Variants in EXT1 observed in about 807,000 individuals in gnomAD.
EXT1 encodes the protein exostosin glycosyltransferase 1.
In EXT1, 20 loss-of-function variants were observed where a neutral mutation model predicts 82.5. The ratio of observed to expected loss-of-function variants is 0.24; its 90% CI spans 0.17 to 0.35. The LOEUF is 0.35. Ranked by LOEUF, EXT1 falls within the 10% of genes least tolerant of loss-of-function variation. The pLI, the probability that EXT1 is intolerant of heterozygous loss-of-function variation, is 1.00. For synonymous variants in EXT1, 348 were observed against 350.8 expected (o/e 0.99, Z 0.09); for missense variants, 757 against 936.5 (o/e 0.81, Z 2.50).
Position 117,796,664 on chromosome 8 carries a change from T to G in EXT1, c.*3048A>C, listed in dbSNP as rs1478747505. 1 of 152,210 alleles carries G rather than the reference T, an allele frequency of 6.6e-6. No homozygotes were observed. Among genetic ancestry groups the G allele is most frequent in the African/African-American group, 2.4e-5 (1 of 41,448 alleles). The allele number at this position is 152,210 out of a possible 1,614,324, so 9.4% of individuals were successfully genotyped here. ...TCCAGTAACAAGCTTTCCCTTTTTT[T>G]TTGAAGCATCTATCTGAAAGTGTGT... is the stretch of plus-strand genomic sequence containing the variant. On this transcript the variant is annotated 3_prime_UTR_variant, in exon 11 of 11. Coordinates refer to ENST00000378204, the MANE Select transcript of EXT1 (RefSeq NM_000127.3).
At chr8:117,825,097 C>T (rs1483505684) in intron 4 of EXT1, among the ~76,000 whole-genome samples, 1 of 152,058 alleles carries the variant, frequency 6.6e-6, no homozygotes, top group Non-Finnish European at 1.5e-5. Context: ...GACTCAAACT[C>T]CTGAGCTCAA....
Position 117,795,503 on chromosome 8 carries a change from A to G in EXT1, c.*4209T>C, listed in dbSNP as rs959111143. On this transcript the variant is annotated 3_prime_UTR_variant, in exon 11 of 11. Coordinates refer to ENST00000378204, the MANE Select transcript of EXT1 (RefSeq NM_000127.3). ...CAAGCTTTTTTTTTTTTTTAAAGAA[A>G]AAAAAAAGGGGGGCCAGGCGCAGTG... 5 of 151,490 alleles carry G rather than the reference A, an allele frequency of 3.3e-5. No individual in the cohort carries two copies. The highest frequency in any genetic ancestry group is 1.2e-4 in the African/African-American group (5 of 41,266). The allele number at this position is 151,490 out of a possible 1,614,324, so 9.4% of individuals were successfully genotyped here. A position where few individuals can be genotyped will look rare whatever the true frequency, so the allele number is the denominator to read the frequency against.
chr8:117,836,696 T>G (rs531582422), intron 2 of EXT1, among the ~76,000 whole-genome samples: 1 of 152,184 alleles, frequency 6.6e-6, no homozygotes, highest in South Asian at 2.1e-4. Flanking sequence ...AGTACCACCA[T>G]GCTGGGGATC....
intron 1 of EXT1, among the ~76,000 whole-genome samples, chr8:117,923,541 C>A (rs1451977377): frequency 6.7e-6 from 1 of 149,678 alleles, no homozygotes; most frequent in African/African-American, 2.5e-5. Flanking sequence ...CACGGTGAAA[C>A]CCCATCTCTA....
chr8:118,050,778 C>T (rs1213891217), intron 1 of EXT1, among the ~76,000 whole-genome samples: 1 of 150,686 alleles, frequency 6.6e-6, no homozygotes, highest in East Asian at 2.0e-4. Flanking sequence ...CCCACAGACT[C>T]TAATTTGCCA....
intron 8 of EXT1, among the ~76,000 whole-genome samples, chr8:117,811,288 G>GA (rs1823319159): frequency 6.6e-6 from 1 of 152,174 alleles, no homozygotes; most frequent in Non-Finnish European, 1.5e-5. Context: ...TTCCCTTGCA[G>GA]AAAGTGGCAG....
rs183218245 is a variant in EXT1 at position 117,969,873 on chromosome 8, A to G, written c.963-132672T>C. 2.6e-5 allele frequency among the ~76,000 whole-genome samples: 4 copies of G among 152,326 alleles called. No individual in the cohort carries two copies. In the East Asian group the frequency reaches 7.7e-4, roughly 29 times the overall value. ...AGTTCTCCCAGGACTCATCTTTTAT[A>G]TTGAACGTAGGGTCACTGACAGGAT... On this transcript the variant is annotated intron_variant, in intron 1 of 10. Coordinates refer to ENST00000378204, the MANE Select transcript of EXT1 (RefSeq NM_000127.3).
chr8:117,795,677 A>G lies in EXT1; in HGVS notation c.*4035T>C, dbSNP rs1275413079. 1 of 152,070 alleles carries G rather than the reference A, an allele frequency of 6.6e-6. No homozygotes were observed. The highest frequency in any genetic ancestry group is 2.4e-5 in the African/African-American group (1 of 41,380). 9.4% of individuals were successfully genotyped at this position (152,070 alleles called of 1,614,324 possible). On this transcript the variant is annotated 3_prime_UTR_variant, in exon 11 of 11. Transcript: ENST00000378204. ...CCCAGTGTGGTAGCACATGCCTGTA[A>G]TCCCAACTACTAAGCAGGGTGAGGC... is the stretch of plus-strand genomic sequence containing the variant.
intron 1 of EXT1, among the ~76,000 whole-genome samples, chr8:117,960,093 C>T (rs969354127): frequency 3.7e-4 from 57 of 152,086 alleles, no homozygotes; most frequent in African/African-American, 1.4e-3. Flanking sequence ...CACCTGTAAT[C>T]CCAGCTACTC....
intron 1 of EXT1, among the ~76,000 whole-genome samples, chr8:117,877,726 A>G (rs1812995145): frequency 6.6e-6 from 1 of 152,186 alleles, no homozygotes; most frequent in African/African-American, 2.4e-5. Context: ...TGGCTCAGAG[A>G]GGCTGTGAGT....
At chr8:117,864,556 T>C (rs1812740327) in intron 1 of EXT1, among the ~76,000 whole-genome samples, 1 of 151,760 alleles carries the variant, frequency 6.6e-6, no homozygotes, top group South Asian at 2.1e-4. Context: ...GAGACCATCC[T>C]GGCTAACACG....
At chr8:118,016,706 C>G (rs1056305089) in intron 1 of EXT1, among the ~76,000 whole-genome samples, 2 of 152,200 alleles carry the variant, frequency 1.3e-5, no homozygotes, top group Non-Finnish European at 2.9e-5. Flanking sequence ...CAGTCTCTAG[C>G]AGAATGAACA....
At chr8:117,822,379 C>A (rs1000298028) in intron 5 of EXT1, 86 bp downstream of exon 5, 1 of 1,447,504 alleles carries the variant, frequency 6.9e-7, no homozygotes, top group African/African-American at 1.4e-5. Context: ...AGATGGACCC[C>A]ATTAGAGTAG....
intron 1 of EXT1, among the ~76,000 whole-genome samples, chr8:118,031,131 G>C (rs112990669): frequency 0.015 from 2,317 of 152,234 alleles, 42 homozygotes; most frequent in Middle Eastern, 0.15. Context: ...GGTGTGGGGG[G>C]AACAGCTGCT....
intron 1 of EXT1, among the ~76,000 whole-genome samples, chr8:118,002,605 C>CACTGCA (rs1263795315): frequency 4.2e-5 from 6 of 143,366 alleles, no homozygotes; most frequent in African/African-American, 1.6e-4. Flanking sequence ...GATCTCAGCT[C>CACTGCA]ACTGCAAGCT....
chr8:117,918,964 C>CAAAAA (rs35129089), intron 1 of EXT1, among the ~76,000 whole-genome samples: 1 of 149,146 alleles, frequency 6.7e-6, no homozygotes. Flanking sequence ...ATTCCTGAGG[C>CAAAAA]AAAAAAAAAA....
intron 1 of EXT1, among the ~76,000 whole-genome samples, chr8:118,063,818 T>C (rs1021371685): frequency 6.6e-6 from 1 of 152,220 alleles, no homozygotes; most frequent in African/African-American, 2.4e-5. Context: ...GAGACAAACA[T>C]CATACACTTA....
chr8:117,815,479 G>A (rs1239241880), intron 7 of EXT1, among the ~76,000 whole-genome samples: 1 of 152,134 alleles, frequency 6.6e-6, no homozygotes, highest in African/African-American at 2.4e-5. Flanking sequence ...GAAATGAGAG[G>A]CTTTTTTCAA....
At chr8:118,043,295 C>G (rs1261316417) in intron 1 of EXT1, among the ~76,000 whole-genome samples, 1 of 152,192 alleles carries the variant, frequency 6.6e-6, no homozygotes, top group African/African-American at 2.4e-5. Flanking sequence ...CTTGGCGATT[C>G]AGTGCCCTAT....
Sources: allele counts gnomAD v4.1 joint callset (sites outside exome capture counted in the v4.1 genomes callset), GRCh38; gene constraint gnomAD v4.1.1; transcripts MANE v1.5; gene names NCBI Gene and HGNC (gene_info 2026-07-23, HGNC 2026-07-21).